CLYBL: variants seen among roughly 807,000 people sequenced by gnomAD.
CLYBL encodes the protein citramalyl-CoA lyase.
A neutral mutation model predicts 38.9 loss-of-function variants in CLYBL; 31 were observed. The observed-to-expected ratio is 0.80, with a 90% CI of 0.60 to 1.08. The LOEUF (loss-of-function observed/expected upper bound fraction) is 1.08, where lower values mean the gene tolerates loss of function less well. Among genes scored for constraint, CLYBL ranks in the 50% least tolerant of loss-of-function variants. The pLI, the probability that CLYBL is intolerant of heterozygous loss-of-function variation, is 0.00. For missense variants in CLYBL, 434 were observed against 411.6 expected, an observed-to-expected ratio of 1.05 and a Z score of -0.47; for synonymous variants, 171 against 158.6, an observed-to-expected ratio of 1.08 and a Z score of -0.59.
At chr13:99,721,433 C>CT (rs1270669462) in intron 1 of CLYBL, among the ~76,000 whole-genome samples, 3 of 151,342 alleles carry the variant, frequency 2.0e-5, no homozygotes, top group Non-Finnish European at 2.9e-5. Flanking sequence ...GTTTGGTTCT[C>CT]TTTCAAATTA....
intron 1 of CLYBL, among the ~76,000 whole-genome samples, chr13:99,609,916 T>G (rs1037325802): frequency 6.8e-6 from 1 of 146,606 alleles, no homozygotes; most frequent in Non-Finnish European, 1.6e-5. Context: ...AGTTCTTTTT[T>G]TCTTTCTTTC....
intron 1 of CLYBL, among the ~76,000 whole-genome samples, chr13:99,741,128 C>G (rs1308663846): frequency 6.6e-6 from 1 of 152,150 alleles, no homozygotes; most frequent in African/African-American, 2.4e-5. Flanking sequence ...AAAGTTTACA[C>G]TTCCTTTCCC....
chr13:99,633,213 A>AAG (rs1736923845), intron 1 of CLYBL, among the ~76,000 whole-genome samples: 4 of 82,872 alleles, frequency 4.8e-5, no homozygotes, highest in African/African-American at 1.1e-4. Context: ...CCTGTCTCAA[A>AAG]AAAAAAAAAA....
At chr13:99,695,040 C>A (rs17473598) in intron 1 of CLYBL, among the ~76,000 whole-genome samples, 1 of 152,116 alleles carries the variant, frequency 6.6e-6, no homozygotes, top group Admixed American at 6.5e-5. Context: ...TCCATCCCAC[C>A]GCGAGAGCGA....
At position 99,813,930 on chromosome 13, in the gene CLYBL, G is replaced by T. The variant is rs570086068; in HGVS notation, c.249+40920G>T. On this transcript the variant is annotated intron_variant, in intron 2 of 8. Coordinates refer to ENST00000339105, the MANE Select transcript of CLYBL (RefSeq NM_206808.5). Reference sequence around the variant, plus strand: ...GGACCAAAGTCCTGCCACCTTTCTGGACTCTGAACTCCCTCTCCCTTTCCT... The same window carrying T: ...GGACCAAAGTCCTGCCACCTTTCTGTACTCTGAACTCCCTCTCCCTTTCCT... 7.2e-5 allele frequency among the ~76,000 whole-genome samples: 11 copies of T among 152,226 alleles called. No individual in the cohort carries two copies. In the South Asian group the frequency reaches 2.1e-3, roughly 29 times the overall value.
rs928055952 is a variant in CLYBL, at chr13:99,623,942, G to C, written c.62+17185G>C. ...CCACTGCACTCCAGCCTGGGCAACA[G>C]AGTGAGACTCCATCTCAAAAAAAAA... On this transcript the variant is annotated intron_variant, in intron 1 of 8. Transcript: ENST00000339105. 2.2e-5 allele frequency among the ~76,000 whole-genome samples: 3 copies of C among 139,090 alleles called. No homozygotes were observed. The Admixed American group carries it at 2.3e-4, about 11-fold the overall frequency. 91.2% of individuals were successfully genotyped at this position (139,090 alleles called of 152,430 possible).
Position 99,674,677 on chromosome 13 carries a change from A to G in CLYBL, c.62+67920A>G, listed in dbSNP as rs1443634760. Among the ~76,000 whole-genome samples, 3 of 152,046 alleles carry G rather than the reference A, an allele frequency of 2.0e-5. No homozygotes were observed. In the East Asian group the frequency reaches 5.8e-4, roughly 29 times the overall value. ...TCTATTTTCTGTCTTAATGTTGGAC[A>G]CTCCAACATTAAGGGATGCGTAAGA... On this transcript the variant is annotated intron_variant, in intron 1 of 8. Transcript: ENST00000339105.
intron 1 of CLYBL, among the ~76,000 whole-genome samples, chr13:99,668,572 C>T (rs1320068146): frequency 2.4e-5 from 3 of 122,534 alleles, no homozygotes; most frequent in East Asian, 2.3e-4. Flanking sequence ...GGAGACAGAG[C>T]GAAACTCCAT....
intron 2 of CLYBL, among the ~76,000 whole-genome samples, chr13:99,802,278 T>C (rs9585227): frequency 0.18 from 27,948 of 152,022 alleles, 3,463 homozygotes; most frequent in East Asian, 0.38. Flanking sequence ...CCCCATCACA[T>C]TGGGGATTAG....
intron 1 of CLYBL, among the ~76,000 whole-genome samples, chr13:99,732,099 G>A (rs1326154265): frequency 6.7e-6 from 1 of 149,062 alleles, no homozygotes; most frequent in African/African-American, 2.5e-5. Flanking sequence ...TTTTCTGGAT[G>A]CATTATGTTC....
At chr13:99,617,502 T>C (rs1437366665) in intron 1 of CLYBL, among the ~76,000 whole-genome samples, 1 of 152,076 alleles carries the variant, frequency 6.6e-6, no homozygotes, top group Non-Finnish European at 1.5e-5. Flanking sequence ...AAAACAAAAG[T>C]TTAGGAAATG....
intron 2 of CLYBL, among the ~76,000 whole-genome samples, chr13:99,836,917 A>T (rs940818757): frequency 2.0e-5 from 3 of 152,290 alleles, no homozygotes; most frequent in South Asian, 2.1e-4. Context: ...GAGGGATAGC[A>T]TTAGGAGATA....
intron 1 of CLYBL, among the ~76,000 whole-genome samples, chr13:99,614,048 G>A (rs186281108): frequency 6.6e-6 from 1 of 152,250 alleles, no homozygotes; most frequent in East Asian, 1.9e-4. Flanking sequence ...ATTCACCATA[G>A]AGGTGGAGAA....
intron 2 of CLYBL, among the ~76,000 whole-genome samples, chr13:99,844,591 G>A (rs930542991): frequency 1.3e-5 from 2 of 152,194 alleles, no homozygotes; most frequent in Non-Finnish European, 2.9e-5. Flanking sequence ...TCTGGCAGTC[G>A]TGTTTGCTAA....
chr13:99,887,061 CTT>C (rs1163275539), intron 7 of CLYBL, among the ~76,000 whole-genome samples: 2 of 152,230 alleles, frequency 1.3e-5, no homozygotes, highest in African/African-American at 4.8e-5. Flanking sequence ...CAAGAGGACT[CTT>C]CAGTTTATAG....
intron 2 of CLYBL, among the ~76,000 whole-genome samples, chr13:99,848,563 A>G (rs2051260050): frequency 6.6e-6 from 1 of 152,214 alleles, no homozygotes; most frequent in African/African-American, 2.4e-5. Context: ...GTTTGGCCAT[A>G]AGTACATAAA....
chr13:99,795,742 G>C (rs1364810860), intron 2 of CLYBL, among the ~76,000 whole-genome samples: 2 of 152,216 alleles, frequency 1.3e-5, no homozygotes, highest in Non-Finnish European at 1.5e-5. Flanking sequence ...GCTGGCCGGA[G>C]ATAAAAGGCC....
chr13:99,883,489 A>AGACTGG (rs1318981238), intron 7 of CLYBL, among the ~76,000 whole-genome samples: 2 of 151,104 alleles, frequency 1.3e-5, no homozygotes, highest in African/African-American at 4.9e-5. Flanking sequence ...ATTGCACTCC[A>AGACTGG]GCCTGGGCAA....
At position 99,795,311 on chromosome 13, in the gene CLYBL, G is replaced by A. The variant is rs529464476; in HGVS notation, c.249+22301G>A. Among the ~76,000 whole-genome samples the A allele has an allele frequency of 2.6e-5, 4 of 152,306 alleles. No homozygotes were observed. The East Asian group carries it at 7.7e-4, about 29-fold the overall frequency. ...TCAGCCAAGTCTAGTCTAAGAAGCA[G>A]CATATTCTTGGGCAAGTTATTGATT... On this transcript the variant is annotated intron_variant, in intron 2 of 8. Transcript: ENST00000339105.
Sources: gnomAD v4.1 joint callset for allele counts (sites outside exome capture counted in the v4.1 genomes callset) on GRCh38, gnomAD v4.1.1 for gene constraint, MANE v1.5 for transcripts, NCBI Gene and HGNC (gene_info 2026-07-23, HGNC 2026-07-21) for gene names.